Variants in SYN3 observed in about 807,000 individuals in gnomAD.
SYN3 encodes the protein synapsin III, also known as synapsin-3.
A neutral mutation model predicts 65.8 loss-of-function variants in SYN3; 35 were observed. That is an observed-to-expected ratio of 0.53 (90% CI 0.41 to 0.70). The LOEUF (loss-of-function observed/expected upper bound fraction) is 0.70. SYN3 is among the 30% of genes least tolerant of loss of function. The pLI, the probability that SYN3 is intolerant of heterozygous loss-of-function variation, is 0.00. For synonymous variants in SYN3, 270 were observed against 292.9 expected (o/e 0.92, Z 0.80); for missense variants, 680 against 749.0 (o/e 0.91, Z 1.08).
At chr22:32,979,462 C>T (rs2052307879) in intron 3 of SYN3, among the ~76,000 whole-genome samples, 1 of 152,136 alleles carries the variant, frequency 6.6e-6, no homozygotes, top group Non-Finnish European at 1.5e-5. Flanking sequence ...AATATTAAGC[C>T]AACTTAGTTT....
At chr22:32,977,394 A>G (rs1239907508) in intron 3 of SYN3, among the ~76,000 whole-genome samples, 2 of 152,186 alleles carry the variant, frequency 1.3e-5, no homozygotes, top group Non-Finnish European at 2.9e-5. Flanking sequence ...AGGCAGGGTG[A>G]GCTCAGCTGG....
chr22:32,535,036 G>C (rs1265246717), intron 9 of SYN3, among the ~76,000 whole-genome samples: 1 of 152,168 alleles, frequency 6.6e-6, no homozygotes, highest in Admixed American at 6.5e-5. Flanking sequence ...TGGGCCCGGG[G>C]GCTGACTCCT....
chr22:32,765,849 T>C (rs1231050055), intron 6 of SYN3, among the ~76,000 whole-genome samples: 1 of 152,144 alleles, frequency 6.6e-6, no homozygotes, highest in East Asian at 1.9e-4. Flanking sequence ...TCAGGCTGTG[T>C]GGAAGAACCT....
At chr22:32,635,239 C>T (rs1951157072) in intron 6 of SYN3, 1 of 152,224 alleles carries the variant, frequency 6.6e-6, no homozygotes, top group African/African-American at 2.4e-5. Flanking sequence ...ATCTGTCTGT[C>T]TGTCTATCCA....
Position 32,935,698 on chromosome 22 carries a change from C to A in SYN3, c.370-4217G>T, listed in dbSNP as rs1275789456. Among the ~76,000 whole-genome samples the A allele has an allele frequency of 2.0e-5, 3 of 152,168 alleles. No homozygotes were observed. In the East Asian group the frequency reaches 5.8e-4, roughly 29 times the overall value. ...ACTCCTGACCTCAGGGCGATCCACC[C>A]GCCTCAGCTTCCCAAAGTGCTGGGA... On this transcript the variant is annotated intron_variant, in intron 3 of 13. Transcript: ENST00000358763.
intron 4 of SYN3, among the ~76,000 whole-genome samples, chr22:32,907,312 C>T (rs776933197): frequency 1.3e-5 from 2 of 152,174 alleles, no homozygotes; most frequent in Non-Finnish European, 2.9e-5. Context: ...AAAAGCCACA[C>T]AGTAAGTGGC....
Position 32,642,303 on chromosome 22 carries a change from T to A in SYN3, c.712-45567A>T, listed in dbSNP as rs556786066. On this transcript the variant is annotated intron_variant, in intron 6 of 13. Transcript: ENST00000358763. ...GGACTCCATTTAAAAAAAATAATAA[T>A]AATAAAGAAGTTTCTGGTTAAGGAT... Among the ~76,000 whole-genome samples, 16 of 151,598 alleles carry A rather than the reference T, an allele frequency of 1.1e-4. No individual in the cohort carries two copies. In the East Asian group the frequency reaches 3.1e-3, roughly 30 times the overall value.
intron 7 of SYN3, among the ~76,000 whole-genome samples, chr22:32,550,618 T>G (rs946788118): frequency 6.6e-6 from 1 of 151,766 alleles, no homozygotes; most frequent in Non-Finnish European, 1.5e-5. Context: ...ATTCAAAATA[T>G]CAGGATGAAT....
chr22:32,918,990 T>A (rs982583389), intron 4 of SYN3, among the ~76,000 whole-genome samples: 10 of 152,304 alleles, frequency 6.6e-5, no homozygotes, highest in African/African-American at 2.2e-4. Flanking sequence ...TAGTCCTAGA[T>A]GCTTTGTGAG....
rs111308299 is a variant in SYN3, at chr22:32,510,984, C to CGTGTGTGTGTGTGTGTGTGTGT, written c.*2686_*2707dup. ...TGTCAATTCCAAGTTATTGTCCAGG[C>CGTGTGTGTGTGTGTGTGTGTGT]GTGTGTGTGTGTGTGTGTGTGTGTG... On this transcript the variant is annotated 3_prime_UTR_variant, in exon 14 of 14. Coordinates refer to ENST00000358763, the MANE Select transcript of SYN3 (RefSeq NM_003490.4). Among the ~76,000 whole-genome samples the CGTGTGTGTGTGTGTGTGTGTGT allele has an allele frequency of 9.1e-5, 13 of 143,030 alleles. No homozygotes were observed. The highest frequency in any genetic ancestry group is 2.8e-4 in the African/African-American group (11 of 39,384). 93.8% of individuals were successfully genotyped at this position (143,030 alleles called of 152,430 possible).
chr22:33,043,545 T>C (rs1439864880), intron 1 of SYN3, among the ~76,000 whole-genome samples: 2 of 152,074 alleles, frequency 1.3e-5, no homozygotes, highest in South Asian at 2.1e-4. Context: ...TGAAACTCCA[T>C]CTCAAAAAAT....
chr22:32,786,018 G>A lies in SYN3; in HGVS notation c.711+78897C>T, dbSNP rs551556869. Among the ~76,000 whole-genome samples, 310 of 134,832 alleles carry A rather than the reference G, an allele frequency of 2.3e-3. 3 individuals are homozygous for A. Among genetic ancestry groups the A allele is most frequent in the South Asian group, 0.013 (53 of 4,220 alleles). The allele number at this position is 134,832 out of a possible 152,430, so 88.5% of individuals were successfully genotyped here. A position where few individuals can be genotyped will look rare whatever the true frequency, so the allele number is the denominator to read the frequency against. On this transcript the variant is annotated intron_variant, in intron 6 of 13. Coordinates refer to ENST00000358763, the MANE Select transcript of SYN3 (RefSeq NM_003490.4). ...CAAAGAAGAAGAAGAAGAAGAAGAA[G>A]AAAAAAAAAATACAGCATTCTAGCA...
intron 3 of SYN3, among the ~76,000 whole-genome samples, chr22:32,977,854 T>C (rs1197194380): frequency 2.0e-5 from 3 of 152,142 alleles, no homozygotes; most frequent in Admixed American, 6.5e-5. Flanking sequence ...TTCAGTTCTC[T>C]TTTGTGCCAG....
intron 4 of SYN3, among the ~76,000 whole-genome samples, chr22:32,901,828 G>T (rs2049768229): frequency 6.6e-6 from 1 of 152,212 alleles, no homozygotes; most frequent in Non-Finnish European, 1.5e-5. Flanking sequence ...AAACCCAAGG[G>T]CCACATGGCC....
chr22:32,725,032 G>T (rs1041662364), intron 6 of SYN3, among the ~76,000 whole-genome samples: 1 of 152,094 alleles, frequency 6.6e-6, no homozygotes, highest in African/African-American at 2.4e-5. Flanking sequence ...AGGCAGGATC[G>T]TTTGAATCTA....
chr22:32,833,205 C>A (rs1484014516), intron 6 of SYN3, among the ~76,000 whole-genome samples: 1 of 152,108 alleles, frequency 6.6e-6, no homozygotes, highest in Admixed American at 6.5e-5. Flanking sequence ...CTAACAAAGC[C>A]ATTAAGAGAG....
chr22:32,999,937 C>T (rs1305927820), intron 2 of SYN3, among the ~76,000 whole-genome samples: 3 of 152,110 alleles, frequency 2.0e-5, no homozygotes, highest in Non-Finnish European at 4.4e-5. Context: ...AAGGTGAACT[C>T]AAGATGGGAG....
intron 4 of SYN3, among the ~76,000 whole-genome samples, chr22:32,914,644 G>C (rs149744565): frequency 4.0e-5 from 6 of 151,516 alleles, no homozygotes; most frequent in African/African-American, 1.2e-4. Flanking sequence ...GGGTTTCACC[G>C]TGTTAGCCAT....
At chr22:32,680,345 T>C (rs2060506942) in intron 6 of SYN3, among the ~76,000 whole-genome samples, 1 of 152,214 alleles carries the variant, frequency 6.6e-6, no homozygotes, top group African/African-American at 2.4e-5. Context: ...CCTGAATTCA[T>C]GCACTTGTTT....
Sources: allele counts gnomAD v4.1 joint callset (sites outside exome capture counted in the v4.1 genomes callset), GRCh38; gene constraint gnomAD v4.1.1; transcripts MANE v1.5; gene names NCBI Gene and HGNC (gene_info 2026-07-23, HGNC 2026-07-21).